The following SLC10A7 variants were observed in gnomAD, a reference collection of about 807,000 sequenced individuals.
The protein encoded by SLC10A7 is solute carrier family 10 member 7, also known as sodium/bile acid cotransporter 7.
SLC10A7 carries 29 observed loss-of-function variants against 43.2 expected under a neutral mutation model. The ratio of observed to expected loss-of-function variants is 0.67; its 90% CI spans 0.50 to 0.92. The LOEUF (loss-of-function observed/expected upper bound fraction) is 0.92. SLC10A7 is among the 40% of genes least tolerant of loss of function. SLC10A7 has a pLI of 0.00. For missense variants in SLC10A7, 295 were observed against 403.2 expected, an observed-to-expected ratio of 0.73 and a Z score of 2.30; for synonymous variants, 152 against 144.8, an observed-to-expected ratio of 1.05 and a Z score of -0.35.
chr4:146,476,270 T>G (rs978377015), intron 4 of SLC10A7, among the ~76,000 whole-genome samples: 2 of 152,100 alleles, frequency 1.3e-5, no homozygotes, highest in Admixed American at 6.6e-5. Context: ...CACTTCTCTG[T>G]AGAGTGTTGT....
intron 5 of SLC10A7, among the ~76,000 whole-genome samples, chr4:146,380,007 G>A (rs1347693699): frequency 6.6e-6 from 1 of 151,598 alleles, no homozygotes; most frequent in African/African-American, 2.4e-5. Flanking sequence ...AAGAATATGG[G>A]TAAGCAAGCA....
At chr4:146,397,186 C>A (rs1477899281) in intron 5 of SLC10A7, among the ~76,000 whole-genome samples, 24 of 152,036 alleles carry the variant, frequency 1.6e-4, no homozygotes, top group Admixed American at 1.4e-3. Flanking sequence ...ATTTTACTCT[C>A]CCCAAACATT....
intron 5 of SLC10A7, among the ~76,000 whole-genome samples, chr4:146,374,619 TACACACACACAC>T (rs59049339): frequency 1.5e-4 from 19 of 123,512 alleles, no homozygotes; most frequent in Non-Finnish European, 2.1e-4. Context: ...TATATACACA[TACACACACACAC>T]ACACACACAC....
chr4:146,293,145 A>G (rs537950377), intron 8 of SLC10A7, among the ~76,000 whole-genome samples, 165 bp from the exon 9 acceptor site: 51 of 152,342 alleles, frequency 3.3e-4, no homozygotes, highest in Admixed American at 7.8e-4. Context: ...CATTTAAATT[A>G]GTGGGACTCA....
chr4:146,293,352 A>G (rs1289430370), intron 8 of SLC10A7, among the ~76,000 whole-genome samples: 1 of 152,222 alleles, frequency 6.6e-6, no homozygotes, highest in African/African-American at 2.4e-5. Context: ...ATATTACAAC[A>G]TTAGTAACAG....
intron 5 of SLC10A7, among the ~76,000 whole-genome samples, chr4:146,331,659 G>A (rs953436569): frequency 2.0e-5 from 3 of 151,994 alleles, no homozygotes; most frequent in Non-Finnish European, 2.9e-5. Context: ...TTAACTTTTC[G>A]AAAATTATAC....
intron 3 of SLC10A7, among the ~76,000 whole-genome samples, chr4:146,504,641 T>C (rs910236545): frequency 1.3e-5 from 2 of 152,174 alleles, no homozygotes; most frequent in Non-Finnish European, 2.9e-5. Context: ...TTGTAGGAAG[T>C]CTCTAAATCT....
At chr4:146,338,364 T>TA (rs1734032796) in intron 5 of SLC10A7, among the ~76,000 whole-genome samples, 1 of 151,942 alleles carries the variant, frequency 6.6e-6, no homozygotes, top group Admixed American at 6.6e-5. Context: ...AAGCTGCCAC[T>TA]ACAATTCTCA....
At chr4:146,474,183 A>C (rs183484738) in intron 4 of SLC10A7, among the ~76,000 whole-genome samples, 1 of 152,198 alleles carries the variant, frequency 6.6e-6, no homozygotes, top group East Asian at 1.9e-4. Context: ...ATCCTGAGCT[A>C]TTTAATAGTC....
intron 4 of SLC10A7, among the ~76,000 whole-genome samples, chr4:146,488,370 T>C (rs185598233): frequency 6.6e-6 from 1 of 152,274 alleles, no homozygotes; most frequent in East Asian, 1.9e-4. Flanking sequence ...AAAGAAATTA[T>C]ACTTCATCAT....
chr4:146,510,148 T>G (rs1410901449), intron 2 of SLC10A7, 99 bp from the exon 3 acceptor site: 2 of 1,238,222 alleles, frequency 1.6e-6, no homozygotes, highest in Non-Finnish European at 2.2e-6. Context: ...TTCTTAATTT[T>G]GGGTTTTTTC....
At chr4:146,510,400 C>A (rs1346475691) in intron 2 of SLC10A7, among the ~76,000 whole-genome samples, 1 of 151,914 alleles carries the variant, frequency 6.6e-6, no homozygotes, top group East Asian at 1.9e-4. Context: ...GTTTGGACTA[C>A]AGGTGCCTGC....
At chr4:146,417,174 A>C (rs1728635586) in intron 5 of SLC10A7, among the ~76,000 whole-genome samples, 1 of 152,234 alleles carries the variant, frequency 6.6e-6, no homozygotes, top group African/African-American at 2.4e-5. Context: ...GGCTCAGCAA[A>C]GTTATTTGTT....
rs1301641271 is a variant in SLC10A7 at position 146,421,715 on chromosome 4, G to T, written c.435+21068C>A. On this transcript the variant is annotated intron_variant, in intron 5 of 11. Coordinates refer to ENST00000335472, the MANE Select transcript of SLC10A7 (RefSeq NM_001029998.6). ...CTACTATGTACCAGGTACCGTATTT[G>T]CCATTACATTTATACACAGAGAGAT... is the stretch of plus-strand genomic sequence containing the variant. Among the ~76,000 whole-genome samples the T allele has an allele frequency of 2.0e-5, 3 of 152,068 alleles. No homozygotes were observed. In the East Asian group the frequency reaches 5.8e-4, roughly 29 times the overall value.
At chr4:146,506,831 T>C (rs1736954695) in intron 3 of SLC10A7, among the ~76,000 whole-genome samples, 2 of 152,200 alleles carry the variant, frequency 1.3e-5, no homozygotes, top group African/African-American at 2.4e-5. Context: ...TTAGGAATAC[T>C]TTCAAGTTTA....
At chr4:146,451,231 C>CAAAAAAAAAAAAAAAAA (rs572993886) in intron 4 of SLC10A7, among the ~76,000 whole-genome samples, 2 of 71,688 alleles carry the variant, frequency 2.8e-5, no homozygotes, top group Non-Finnish European at 5.5e-5. Context: ...AGTCTCCCAC[C>CAAAAAAAAAAAAAAAAA]AAAAAAAAAA....
intron 4 of SLC10A7, among the ~76,000 whole-genome samples, chr4:146,449,682 C>CAA (rs1731413811): frequency 6.6e-6 from 1 of 152,058 alleles, no homozygotes; most frequent in African/African-American, 2.4e-5. Context: ...ACCACCACCA[C>CAA]CACCACAACA....
chr4:146,489,911 A>C (rs950021155), intron 4 of SLC10A7, among the ~76,000 whole-genome samples: 8 of 151,940 alleles, frequency 5.3e-5, no homozygotes, highest in Non-Finnish European at 1.2e-4. Flanking sequence ...CCACAGGCAA[A>C]CTGTTTCTTA....
At chr4:146,306,704 C>G (rs1731602552) in intron 6 of SLC10A7, among the ~76,000 whole-genome samples, 1 of 152,148 alleles carries the variant, frequency 6.6e-6, no homozygotes, top group South Asian at 2.1e-4. Context: ...TATCTACACA[C>G]ACAGTAACAC....
Sources: gnomAD v4.1 joint callset for allele counts (sites outside exome capture counted in the v4.1 genomes callset) on GRCh38, gnomAD v4.1.1 for gene constraint, MANE v1.5 for transcripts, NCBI Gene and HGNC (gene_info 2026-07-23, HGNC 2026-07-21) for gene names.